STAG1: variants seen among roughly 807,000 people sequenced by gnomAD.
The protein encoded by STAG1 is STAG1 cohesin complex component.
In STAG1, 26 loss-of-function variants were observed where a neutral mutation model predicts 170.9. The ratio of observed to expected loss-of-function variants is 0.15; its 90% CI spans 0.11 to 0.21. STAG1 has a LOEUF of 0.21. Among genes scored for constraint, STAG1 ranks in the 10% least tolerant of loss-of-function variants. The probability of loss-of-function intolerance (pLI) is 1.00; values close to 1 mark genes in which losing one functional copy is unlikely to be tolerated. For synonymous variants in STAG1, 514 were observed against 497.7 expected (o/e 1.03, Z -0.44); for missense variants, 964 against 1,509.5 (o/e 0.64, Z 5.99).
intron 9 of STAG1, among the ~76,000 whole-genome samples, chr3:136,491,280 A>G (rs1232645770): frequency 6.6e-6 from 1 of 151,958 alleles, no homozygotes; most frequent in African/African-American, 2.4e-5. Context: ...ACCATGACCA[A>G]GGGCTTCTCT....
intron 23 of STAG1, among the ~76,000 whole-genome samples, chr3:136,370,689 C>T (rs894021140): frequency 1.1e-4 from 16 of 152,174 alleles, no homozygotes; most frequent in African/African-American, 3.9e-4. Context: ...AGGACATGAA[C>T]TCATCATTTT....
At chr3:136,622,016 G>A (rs1300420580) in intron 3 of STAG1, among the ~76,000 whole-genome samples, 4 of 148,954 alleles carry the variant, frequency 2.7e-5, no homozygotes, top group Admixed American at 2.0e-4. Context: ...AAAAAAAGAG[G>A]GCTGGGTGCG....
chr3:136,560,848 A>G (rs1448133760), intron 5 of STAG1, among the ~76,000 whole-genome samples: 1 of 152,230 alleles, frequency 6.6e-6, no homozygotes, highest in East Asian at 1.9e-4. Flanking sequence ...GGAGTTGTTC[A>G]TACTATTCAC....
At chr3:136,683,374 C>T (rs1312210766) in intron 1 of STAG1, among the ~76,000 whole-genome samples, 3 of 151,952 alleles carry the variant, frequency 2.0e-5, no homozygotes, top group Non-Finnish European at 2.9e-5. Flanking sequence ...AGTGATTCTC[C>T]TGCCTCAGCC....
At chr3:136,384,870 G>T (rs1444701302) in intron 22 of STAG1, among the ~76,000 whole-genome samples, 3 of 151,588 alleles carry the variant, frequency 2.0e-5, no homozygotes, top group Admixed American at 6.6e-5. Flanking sequence ...CACTGAAAAA[G>T]AATAATACAA....
intron 1 of STAG1, among the ~76,000 whole-genome samples, chr3:136,750,204 A>G (rs1438282012): frequency 6.6e-6 from 1 of 152,132 alleles, no homozygotes; most frequent in African/African-American, 2.4e-5. Flanking sequence ...TTTTAAAGAG[A>G]TGGAGTCTTG....
intron 23 of STAG1, among the ~76,000 whole-genome samples, chr3:136,369,587 G>A (rs566185971): frequency 6.6e-6 from 1 of 152,066 alleles, no homozygotes; most frequent in African/African-American, 2.4e-5. Context: ...TTTAAGCAAG[G>A]TGTTGATTAC....
intron 9 of STAG1, among the ~76,000 whole-genome samples, chr3:136,495,640 C>T (rs1378943586): frequency 1.3e-5 from 2 of 151,150 alleles, no homozygotes; most frequent in Non-Finnish European, 2.9e-5. Flanking sequence ...CGAGACCAGC[C>T]TGACCAACAT....
At chr3:136,751,877 G>T (rs1484370708) in intron 1 of STAG1, among the ~76,000 whole-genome samples, 1 of 150,850 alleles carries the variant, frequency 6.6e-6, no homozygotes, top group Non-Finnish European at 1.5e-5. Flanking sequence ...GCCTGTCGCC[G>T]TAGTGCCCGG....
At chr3:136,376,008 A>ATAAATAAT (rs1360664834) in intron 23 of STAG1, among the ~76,000 whole-genome samples, 44 of 133,294 alleles carry the variant, frequency 3.3e-4, no homozygotes, top group African/African-American at 7.8e-4. Flanking sequence ...AAATAAATAA[A>ATAAATAAT]TAATTAACAA....
intron 3 of STAG1, among the ~76,000 whole-genome samples, chr3:136,607,143 T>TA (rs916506621): frequency 2.0e-5 from 3 of 152,158 alleles, no homozygotes; most frequent in Non-Finnish European, 4.4e-5. Context: ...TTGGCTGACA[T>TA]AGTGTTTTGT....
At chr3:136,453,443 T>A (rs1040148182) in intron 13 of STAG1, among the ~76,000 whole-genome samples, 1 of 151,782 alleles carries the variant, frequency 6.6e-6, no homozygotes, top group African/African-American at 2.4e-5. Context: ...TACAAAAAAT[T>A]AGCCGGGCGT....
intron 10 of STAG1, among the ~76,000 whole-genome samples, chr3:136,474,303 G>A (rs570073380): frequency 6.6e-6 from 1 of 152,308 alleles, no homozygotes; most frequent in South Asian, 2.1e-4. Flanking sequence ...AAGAAGCTAT[G>A]TGCTGTAACA....
chr3:136,613,312 T>C (rs1186542802), intron 3 of STAG1, among the ~76,000 whole-genome samples: 1 of 6,180 alleles, frequency 1.6e-4, no homozygotes, highest in Non-Finnish European at 3.5e-4. Context: ...AGACTCCGTC[T>C]CAAAAAAAAA....
chr3:136,688,025 C>A (rs749216679), intron 1 of STAG1, among the ~76,000 whole-genome samples: 1 of 152,158 alleles, frequency 6.6e-6, no homozygotes, highest in African/African-American at 2.4e-5. Flanking sequence ...GCATGAGCCA[C>A]GGTGCCCAGC....
At chr3:136,498,346 A>T (rs1015781094) in intron 9 of STAG1, among the ~76,000 whole-genome samples, 4 of 149,028 alleles carry the variant, frequency 2.7e-5, no homozygotes, top group Non-Finnish European at 4.5e-5. Flanking sequence ...ATTCAATGAT[A>T]AAAAAAACTC....
chr3:136,651,949 G>A (rs1452694125), intron 1 of STAG1, among the ~76,000 whole-genome samples: 7 of 152,262 alleles, frequency 4.6e-5, no homozygotes, highest in Admixed American at 2.0e-4. Context: ...CCTGAAGTCA[G>A]GTGAGTGATT....
intron 6 of STAG1, among the ~76,000 whole-genome samples, chr3:136,524,652 G>C (rs539669870): frequency 6.6e-6 from 1 of 152,322 alleles, no homozygotes; most frequent in South Asian, 2.1e-4. Flanking sequence ...AGTGGTGAGA[G>C]AGGGCATCCC....
At chr3:136,639,072 C>A (rs1052177582) in intron 1 of STAG1, among the ~76,000 whole-genome samples, 2 of 151,706 alleles carry the variant, frequency 1.3e-5, no homozygotes, top group African/African-American at 2.4e-5. Flanking sequence ...AATGCTCACA[C>A]ACACACACAC....
Sources: gnomAD v4.1 joint callset for allele counts (sites outside exome capture counted in the v4.1 genomes callset) on GRCh38, gnomAD v4.1.1 for gene constraint, MANE v1.5 for transcripts, NCBI Gene and HGNC (gene_info 2026-07-23, HGNC 2026-07-21) for gene names.